Variants in ZBTB7C observed in about 807,000 individuals in gnomAD.
ZBTB7C encodes zinc finger and BTB domain-containing protein 7C.
A neutral mutation model predicts 25.7 loss-of-function variants in ZBTB7C; 8 were observed. The observed-to-expected ratio is 0.31, with a 90% CI of 0.18 to 0.56. ZBTB7C has a LOEUF of 0.56. Among genes scored for constraint, ZBTB7C ranks in the 20% least tolerant of loss-of-function variants. ZBTB7C has a pLI of 0.91. For synonymous variants in ZBTB7C, 394 were observed against 369.0 expected, an observed-to-expected ratio of 1.07 and a Z score of -0.78; for missense variants, 824 against 855.2, an observed-to-expected ratio of 0.96 and a Z score of 0.46.
intron 1 of ZBTB7C, among the ~76,000 whole-genome samples, chr18:48,357,305 G>C (rs1297613660): frequency 1.3e-5 from 2 of 152,188 alleles, no homozygotes; most frequent in East Asian, 3.9e-4. Context: ...AGGGAGGAAT[G>C]CCACAAAGAC....
At chr18:48,406,305 C>T (rs982624373) in intron 1 of ZBTB7C, among the ~76,000 whole-genome samples, 20 of 152,104 alleles carry the variant, frequency 1.3e-4, no homozygotes, top group African/African-American at 4.6e-4. Flanking sequence ...CTTCATACCC[C>T]CTTCACACCG....
chr18:48,141,243 G>A (rs1267499142), intron 3 of ZBTB7C, among the ~76,000 whole-genome samples: 2 of 149,990 alleles, frequency 1.3e-5, no homozygotes, highest in Non-Finnish European at 2.9e-5. Flanking sequence ...TTGCAGGAAT[G>A]TCACCTCCTC....
At chr18:48,061,621 G>GT (rs2144326547) in intron 3 of ZBTB7C, among the ~76,000 whole-genome samples, 1 of 152,342 alleles carries the variant, frequency 6.6e-6, no homozygotes, top group South Asian at 2.1e-4. Context: ...CAACACAAAT[G>GT]TAGGTAAAAT....
At chr18:48,389,278 T>TGTGTGTGTG (rs2047838783) in intron 1 of ZBTB7C, among the ~76,000 whole-genome samples, 10 of 119,906 alleles carry the variant, frequency 8.3e-5, no homozygotes, top group African/African-American at 3.1e-4. Context: ...TGTGTGTGTG[T>TGTGTGTGTG]TGGGCCTTGT....
intron 3 of ZBTB7C, among the ~76,000 whole-genome samples, chr18:48,109,146 G>T (rs1318076245): frequency 6.6e-6 from 1 of 152,150 alleles, no homozygotes; most frequent in Non-Finnish European, 1.5e-5. Flanking sequence ...TGGCCTTGGG[G>T]TGTTGCTAAG....
At chr18:48,180,112 T>TTCCCTTCCTTCCTTCC (rs144550931) in intron 3 of ZBTB7C, among the ~76,000 whole-genome samples, 2 of 52,118 alleles carry the variant, frequency 3.8e-5, no homozygotes, top group Admixed American at 2.5e-4. Context: ...CCTTCCTTCC[T>TTCCCTTCCTTCCTTCC]TTCCTTCCTT....
chr18:48,051,304 A>G (rs2036677213), intron 3 of ZBTB7C, among the ~76,000 whole-genome samples: 1 of 152,180 alleles, frequency 6.6e-6, no homozygotes, highest in South Asian at 2.1e-4. Flanking sequence ...GAAGCCTCAC[A>G]CCTGGGCTTT....
At chr18:48,046,663 C>G (rs748117237) in intron 3 of ZBTB7C, among the ~76,000 whole-genome samples, 1 of 152,178 alleles carries the variant, frequency 6.6e-6, no homozygotes, top group Non-Finnish European at 1.5e-5. Context: ...TGATCAGCGT[C>G]CCACTGTGAT....
In ZBTB7C at chr18:48,029,253, G is replaced by C; in HGVS notation, c.*7C>G. ...GGGCTGGTGGGCTGGAGCCGACAGG[G>C]ACCAGCCTAGTTGTTGGCTTCGGAC... On this transcript the variant is annotated 3_prime_UTR_variant, in exon 5 of 5. Transcript: ENST00000590800. 1 of 1,535,912 alleles carries C rather than the reference G, an allele frequency of 6.5e-7. No individual in the cohort carries two copies. Among genetic ancestry groups the C allele is most frequent in the Non-Finnish European group, 8.7e-7 (1 of 1,148,746 alleles).
Position 48,039,959 on chromosome 18 carries a change from C to T in ZBTB7C, c.1149G>A (p.Met383Ile), listed in dbSNP as rs1434932392. The change falls in exon 4 of 5, where the codon ATG becomes ATA. Residue 383 changes from methionine (M) to isoleucine (I), a missense_variant. This residue lies in a region of ZBTB7C where 49 missense variants were observed against 81.3 expected (regional missense o/e 0.60). Transcript: ENST00000590800. Reference protein sequence around the residue: ...IMGAGKLPRHMRTHTGEKPYM... With the variant: ...IMGAGKLPRHIRTHTGEKPYM... ...ATGGCTTCTCCCCGGTATGGGTCCTCATGTGCCGCGGCAGCTTCCCGGCCC... is the reference window on the plus strand; with the variant it reads ...ATGGCTTCTCCCCGGTATGGGTCCTTATGTGCCGCGGCAGCTTCCCGGCCC... The T allele has an allele frequency of 3.1e-6, 5 of 1,613,892 alleles. No individual in the cohort carries two copies. The South Asian group carries it at 3.3e-5, about 11-fold the overall frequency.
intron 3 of ZBTB7C, among the ~76,000 whole-genome samples, chr18:48,074,487 T>C (rs1252698668): frequency 6.6e-6 from 1 of 152,210 alleles, no homozygotes; most frequent in African/African-American, 2.4e-5. Context: ...GTCATAGGAA[T>C]GGATGAGCAC....
Position 48,333,014 on chromosome 18 carries a change from T to C in ZBTB7C, c.-79+5160A>G, listed in dbSNP as rs545901048. ...AATAGTAAGATCTCTCTAGAATTGATTGTGGTTTTCACTTTTTTTTTCATC... is the reference window on the plus strand; with the variant it reads ...AATAGTAAGATCTCTCTAGAATTGACTGTGGTTTTCACTTTTTTTTTCATC... On this transcript the variant is annotated intron_variant, in intron 2 of 4. Transcript: ENST00000590800. Among the ~76,000 whole-genome samples the C allele has an allele frequency of 4.0e-3, 611 of 152,320 alleles. 3 individuals carry two copies. Among genetic ancestry groups the C allele is most frequent in the Non-Finnish European group, 7.3e-3 (500 of 68,030 alleles).
intron 3 of ZBTB7C, among the ~76,000 whole-genome samples, chr18:48,061,023 C>T (rs1015397172): frequency 7.2e-5 from 11 of 152,046 alleles, no homozygotes; most frequent in African/African-American, 2.4e-4. Flanking sequence ...TGGGATTGGA[C>T]AGTGGTAGGG....
chr18:48,126,018 G>A (rs1444026986), intron 3 of ZBTB7C, among the ~76,000 whole-genome samples: 1 of 152,186 alleles, frequency 6.6e-6, no homozygotes, highest in Non-Finnish European at 1.5e-5. Flanking sequence ...GGCTCCCAGG[G>A]AGTACTGCAC....
intron 3 of ZBTB7C, among the ~76,000 whole-genome samples, chr18:48,074,265 C>T (rs966130550): frequency 1.3e-5 from 2 of 152,166 alleles, no homozygotes; most frequent in Non-Finnish European, 2.9e-5. Flanking sequence ...CTGCCTGCCT[C>T]GGCCTCCCAA....
At chr18:48,275,920 C>T (rs866467347) in intron 2 of ZBTB7C, among the ~76,000 whole-genome samples, 1 of 152,162 alleles carries the variant, frequency 6.6e-6, no homozygotes, top group Non-Finnish European at 1.5e-5. Context: ...GTTTTCTCCC[C>T]AAAGGCAAAT....
At chr18:48,352,509 A>T (rs1485486122) in intron 1 of ZBTB7C, among the ~76,000 whole-genome samples, 1 of 152,196 alleles carries the variant, frequency 6.6e-6, no homozygotes, top group East Asian at 1.9e-4. Flanking sequence ...GAGGAGGCAC[A>T]GTCTCACCCT....
chr18:48,205,885 GCT>G (rs2042565947), intron 2 of ZBTB7C, among the ~76,000 whole-genome samples: 1 of 152,108 alleles, frequency 6.6e-6, no homozygotes, highest in Non-Finnish European at 1.5e-5. Flanking sequence ...CTACCCCCAA[GCT>G]GGGCTGCTTT....
At chr18:48,334,687 G>A (rs2046420740) in intron 2 of ZBTB7C, among the ~76,000 whole-genome samples, 1 of 152,172 alleles carries the variant, frequency 6.6e-6, no homozygotes, top group Non-Finnish European at 1.5e-5. Context: ...AAAAAGAACA[G>A]CCATATTTCG....
Sources: allele counts gnomAD v4.1 joint callset (sites outside exome capture counted in the v4.1 genomes callset), GRCh38; gene constraint gnomAD v4.1.1; regional missense constraint gnomAD v4.1.1; transcripts MANE v1.5; gene names NCBI Gene and HGNC (gene_info 2026-07-23, HGNC 2026-07-21).